Variants in LRRC4C observed in about 807,000 individuals in gnomAD.
The protein encoded by LRRC4C is leucine rich repeat containing 4C.
Under a neutral mutation model 33.6 loss-of-function variants are expected in LRRC4C, and 5 were observed. The ratio of observed to expected loss-of-function variants is 0.15; its 90% confidence interval spans 0.08 to 0.31. The LOEUF is 0.31. Ranked by LOEUF, LRRC4C falls within the 10% of genes least tolerant of loss-of-function variation. The pLI is 1.00. For missense variants in LRRC4C, 560 were observed against 796.7 expected, an observed-to-expected ratio of 0.70 and a Z score of 3.58; for synonymous variants, 329 against 302.0, an observed-to-expected ratio of 1.09 and a Z score of -0.93.
intron 1 of LRRC4C, among the ~76,000 whole-genome samples, chr11:41,000,678 T>C (rs1388409328): frequency 6.6e-6 from 1 of 152,204 alleles, no homozygotes; most frequent in Non-Finnish European, 1.5e-5. Flanking sequence ...TGCTCAGCCC[T>C]CACTGTTGCC....
chr11:40,709,268 G>C (rs1250688939), intron 2 of LRRC4C, among the ~76,000 whole-genome samples: 1 of 152,130 alleles, frequency 6.6e-6, no homozygotes, highest in Non-Finnish European at 1.5e-5. Flanking sequence ...TGGTTATTTT[G>C]CCTGTTAGTT....
At chr11:40,890,537 CGT>C (rs1370156910) in intron 2 of LRRC4C, among the ~76,000 whole-genome samples, 9 of 152,160 alleles carry the variant, frequency 5.9e-5, no homozygotes, top group African/African-American at 2.2e-4. Flanking sequence ...ATTTTGGAGA[CGT>C]ATTTAAACCA....
At chr11:40,882,213 A>T (rs1423836768) in intron 2 of LRRC4C, among the ~76,000 whole-genome samples, 1 of 152,102 alleles carries the variant, frequency 6.6e-6, no homozygotes, top group East Asian at 1.9e-4. Flanking sequence ...CCCACAAGTG[A>T]TCATCTGGAA....
At chr11:40,755,753 T>G (rs942169752) in intron 2 of LRRC4C, among the ~76,000 whole-genome samples, 2 of 152,082 alleles carry the variant, frequency 1.3e-5, no homozygotes, top group African/African-American at 4.8e-5. Context: ...GTGAAACTAC[T>G]TTAGAGAAAC....
intron 3 of LRRC4C, among the ~76,000 whole-genome samples, chr11:40,469,006 T>C (rs1256448449): frequency 1.3e-5 from 2 of 152,216 alleles, no homozygotes; most frequent in Non-Finnish European, 2.9e-5. Flanking sequence ...TAATACAATG[T>C]TAGGCACTCA....
At chr11:40,912,845 G>C (rs1443821626) in intron 2 of LRRC4C, among the ~76,000 whole-genome samples, 1 of 152,128 alleles carries the variant, frequency 6.6e-6, no homozygotes, top group Non-Finnish European at 1.5e-5. Context: ...TAAAGGGATG[G>C]AGGAAGATCT....
chr11:40,860,091 AAAAT>A (rs58718030), intron 2 of LRRC4C, among the ~76,000 whole-genome samples: 24 of 144,232 alleles, frequency 1.7e-4, no homozygotes, highest in East Asian at 6.3e-4. Context: ...GTCCCCCCAA[AAAAT>A]AAATAAATAA....
intron 2 of LRRC4C, among the ~76,000 whole-genome samples, chr11:40,827,155 A>C (rs1463321399): frequency 6.6e-6 from 1 of 151,920 alleles, no homozygotes; most frequent in African/African-American, 2.4e-5. Context: ...ACAAGTAATA[A>C]TGGCTACTGA....
chr11:41,255,437 G>T (rs1565522296), intron 1 of LRRC4C, among the ~76,000 whole-genome samples: 1 of 151,998 alleles, frequency 6.6e-6, no homozygotes, highest in Non-Finnish European at 1.5e-5. Context: ...ACTGATCTTG[G>T]TTTATTTATC....
intron 5 of LRRC4C, among the ~76,000 whole-genome samples, chr11:40,187,059 G>A (rs972200907): frequency 7.2e-5 from 11 of 152,184 alleles, no homozygotes; most frequent in Admixed American, 5.2e-4. Flanking sequence ...AAGGAGCCGC[G>A]GCGACTGCCT....
chr11:40,910,351 A>G (rs1353133362), intron 2 of LRRC4C, among the ~76,000 whole-genome samples: 2 of 152,206 alleles, frequency 1.3e-5, no homozygotes, highest in African/African-American at 2.4e-5. Context: ...GACTTCTATC[A>G]AAAGACACAT....
chr11:40,857,444 T>C (rs1953846191), intron 2 of LRRC4C, among the ~76,000 whole-genome samples: 2 of 152,136 alleles, frequency 1.3e-5, no homozygotes, highest in South Asian at 4.1e-4. Context: ...TGAGAGCATG[T>C]GGTGTTTGGT....
At chr11:40,688,191 T>G (rs1565636623) in intron 2 of LRRC4C, among the ~76,000 whole-genome samples, 1 of 152,160 alleles carries the variant, frequency 6.6e-6, no homozygotes, top group African/African-American at 2.4e-5. Flanking sequence ...GAGCTGCTGC[T>G]ATGGGTAGAT....
intron 1 of LRRC4C, among the ~76,000 whole-genome samples, chr11:41,013,386 CT>C (rs1855351896): frequency 6.6e-6 from 1 of 152,124 alleles, no homozygotes; most frequent in Non-Finnish European, 1.5e-5. Flanking sequence ...CACTGCTTAA[CT>C]ACTACAAATA....
chr11:41,312,449 T>C (rs1323014322), intron 1 of LRRC4C, among the ~76,000 whole-genome samples: 1 of 152,212 alleles, frequency 6.6e-6, no homozygotes, highest in Non-Finnish European at 1.5e-5. Flanking sequence ...AACTCTCAGA[T>C]GTGTTACTAG....
intron 1 of LRRC4C, among the ~76,000 whole-genome samples, chr11:41,215,487 CAAAA>C (rs764578889): frequency 1.6e-5 from 1 of 64,352 alleles, no homozygotes. Context: ...AATTCCATCT[CAAAA>C]AAAAAAAAAA....
intron 1 of LRRC4C, among the ~76,000 whole-genome samples, chr11:41,023,569 A>G (rs944322477): frequency 3.3e-5 from 5 of 151,872 alleles, no homozygotes; most frequent in African/African-American, 7.2e-5. Context: ...GAGCAGCTCC[A>G]GAATTTCTAG....
chr11:41,055,103 C>T (rs974651562), intron 1 of LRRC4C, among the ~76,000 whole-genome samples: 1 of 152,210 alleles, frequency 6.6e-6, no homozygotes, highest in East Asian at 1.9e-4. Flanking sequence ...ATTTCTCTAG[C>T]CTCCCTTTTC....
intron 2 of LRRC4C, among the ~76,000 whole-genome samples, chr11:40,734,875 A>G (rs1240963548): frequency 1.3e-5 from 2 of 152,262 alleles, no homozygotes; most frequent in East Asian, 3.9e-4. Flanking sequence ...AGAGATTGGC[A>G]GGTGAGTCAA....
Sources: allele counts gnomAD v4.1 joint callset (sites outside exome capture counted in the v4.1 genomes callset), GRCh38; gene constraint gnomAD v4.1.1; transcripts MANE v1.5; gene names NCBI Gene and HGNC (gene_info 2026-07-23, HGNC 2026-07-21).